PCSK6: variants seen among roughly 807,000 people sequenced by gnomAD.
PCSK6 encodes the protein paired basic amino acid cleaving enzyme 4.
PCSK6 carries 85 observed loss-of-function variants against 123.3 expected under a neutral mutation model. That is an observed-to-expected ratio of 0.69 (90% CI 0.58 to 0.83). PCSK6 has a LOEUF of 0.83. Ranked by LOEUF, PCSK6 falls within the 40% of genes least tolerant of loss-of-function variation. The pLI is 0.00. For missense variants in PCSK6, 1,191 were observed against 1,282.3 expected, an observed-to-expected ratio of 0.93 and a Z score of 1.09; for synonymous variants, 508 against 516.0, an observed-to-expected ratio of 0.98 and a Z score of 0.21.
chr15:101,466,473 G>T (rs1215287930), intron 1 of PCSK6, among the ~76,000 whole-genome samples: 1 of 152,178 alleles, frequency 6.6e-6, no homozygotes, highest in African/African-American at 2.4e-5. Context: ...GCTGCCATAT[G>T]ACTCAGCCAC....
chr15:101,381,227 G>A (rs2041903333), intron 11 of PCSK6, among the ~76,000 whole-genome samples: 1 of 152,122 alleles, frequency 6.6e-6, no homozygotes, highest in Non-Finnish European at 1.5e-5. Flanking sequence ...AGCTGGGCAT[G>A]GTGGTGGGTG....
chr15:101,397,598 C>T (rs918153510), intron 7 of PCSK6, among the ~76,000 whole-genome samples: 5 of 152,156 alleles, frequency 3.3e-5, no homozygotes, highest in African/African-American at 9.7e-5. Flanking sequence ...ACACATTGTA[C>T]GTTGGGCTGG....
In PCSK6 at chr15:101,410,135, G is replaced by A. The variant is rs560096854; in HGVS notation, c.824-11559C>T. Among the ~76,000 whole-genome samples, 22 of 152,352 alleles carry A rather than the reference G, an allele frequency of 1.4e-4. No homozygotes were observed. In the East Asian group the frequency reaches 4.1e-3, roughly 28 times the overall value. On this transcript the variant is annotated intron_variant, in intron 6 of 21. Transcript: ENST00000611716. ...GTTTGTAGACACAGGGTCTCACTAT[G>A]TTGTTGAGGCTGGTTTCAAACTCCT...
At chr15:101,440,976 CTA>C (rs2056739056) in intron 2 of PCSK6, among the ~76,000 whole-genome samples, 9 of 152,146 alleles carry the variant, frequency 5.9e-5, no homozygotes, top group Non-Finnish European at 1.0e-4. Flanking sequence ...TTCCCTGGGG[CTA>C]ACAATTTAAT....
intron 13 of PCSK6, among the ~76,000 whole-genome samples, chr15:101,338,195 C>T (rs1003049482): frequency 1.3e-5 from 2 of 152,218 alleles, no homozygotes; most frequent in African/African-American, 4.8e-5. Flanking sequence ...ACCCCCTCTA[C>T]ACAGTCCCTT....
intron 1 of PCSK6, among the ~76,000 whole-genome samples, chr15:101,454,602 A>C (rs2057125597): frequency 6.6e-6 from 1 of 152,150 alleles, no homozygotes; most frequent in Non-Finnish European, 1.5e-5. Context: ...TGTGGTTGCC[A>C]GGGGCTGTGG....
chr15:101,436,242 T>C (rs2056596599), intron 2 of PCSK6, among the ~76,000 whole-genome samples: 1 of 152,090 alleles, frequency 6.6e-6, no homozygotes, highest in African/African-American at 2.4e-5. Flanking sequence ...GTCTTTGCTC[T>C]GAGATGGAGG....
intron 13 of PCSK6, among the ~76,000 whole-genome samples, chr15:101,344,577 G>T (rs1200371501): frequency 6.6e-6 from 1 of 152,204 alleles, no homozygotes; most frequent in Non-Finnish European, 1.5e-5. Flanking sequence ...ACAGGCAAGG[G>T]AGTCTGTGGG....
chr15:101,442,557 T>C (rs2056783853), intron 2 of PCSK6, among the ~76,000 whole-genome samples: 1 of 152,152 alleles, frequency 6.6e-6, no homozygotes, highest in Non-Finnish European at 1.5e-5. Flanking sequence ...AAAAGAGCCC[T>C]GATTGTCATT....
chr15:101,464,958 G>GA (rs1318607689), intron 1 of PCSK6, among the ~76,000 whole-genome samples: 1 of 151,684 alleles, frequency 6.6e-6, no homozygotes, highest in Non-Finnish European at 1.5e-5. Flanking sequence ...GGGGACAGAG[G>GA]CTACTCAGTG....
chr15:101,471,831 C>T (rs569597696), intron 1 of PCSK6, among the ~76,000 whole-genome samples: 58 of 152,292 alleles, frequency 3.8e-4, no homozygotes, highest in African/African-American at 1.4e-3. Context: ...TTTGCCAGTT[C>T]TAGAACCTCC....
At chr15:101,481,517 C>T (rs1412242420) in intron 1 of PCSK6, among the ~76,000 whole-genome samples, 5 of 152,166 alleles carry the variant, frequency 3.3e-5, no homozygotes, top group Admixed American at 3.3e-4. Flanking sequence ...GCAGCTACAG[C>T]CAGGGCTCGA....
intron 13 of PCSK6, chr15:101,347,023 A>C (rs1395038367): frequency 8.1e-7 from 1 of 1,231,648 alleles, no homozygotes; most frequent in East Asian, 3.2e-5. Context: ...AATGGGGTTA[A>C]AAATGGAACT....
intron 1 of PCSK6, among the ~76,000 whole-genome samples, chr15:101,472,996 G>A (rs1305964114): frequency 1.3e-5 from 2 of 152,182 alleles, no homozygotes; most frequent in Non-Finnish European, 2.9e-5. Flanking sequence ...CCCTCAATGT[G>A]AGCCTTGTAT....
At position 101,489,624 on chromosome 15, in the gene PCSK6, C is replaced by G. The variant is rs1485712589; in HGVS notation, c.47G>C (p.Arg16Pro). 1.1e-5 allele frequency: 11 copies of G among 974,304 alleles called. No individual in the cohort carries two copies. Among genetic ancestry groups the G allele is most frequent in the South Asian group, 4.7e-5 (1 of 21,120 alleles). The allele number at this position is 974,304 out of a possible 1,614,324, so 60.4% of individuals were successfully genotyped here. A position where few individuals can be genotyped will look rare whatever the true frequency, so the allele number is the denominator to read the frequency against. ...GGCGGTGTCGGTGGCGGCGGCGGCC[C>G]GGGGCGGCGGCCGGGGCCCGGGCGC... is the stretch of plus-strand genomic sequence containing the variant. ...PPAPGPRPPP[R>P]AAAATDTAAG... is the part of the protein sequence containing the mutation. The change falls in exon 1 of 22, where the codon CGG (arginine) becomes CCG (proline). Residue 16 changes from arginine (R) to proline (P), a missense_variant. Arg to Pro is a moderately radical substitution (Grantham distance 103). Around this residue, in one of 3 missense-constraint regions of PCSK6, gnomAD observed 204 missense variants for 166.4 expected, o/e 1.23. Transcript: ENST00000611716.
At chr15:101,403,323 A>G (rs959719882) in intron 6 of PCSK6, among the ~76,000 whole-genome samples, 29 of 150,370 alleles carry the variant, frequency 1.9e-4, no homozygotes, top group Middle Eastern at 3.4e-3. Flanking sequence ...CTAATGCTAA[A>G]TGACCAGTTA....
chr15:101,384,398 C>G lies in PCSK6; in HGVS notation c.1338G>C (p.Gln446His). The G allele has an allele frequency of 6.2e-7, 1 of 1,613,804 alleles. No homozygotes were observed. The highest frequency in any genetic ancestry group is 8.5e-7 in the Non-Finnish European group (1 of 1,179,788). Residue 446 changes from glutamine to histidine, a missense_variant, in exon 10 of 22, where the codon CAG becomes CAC. By Grantham distance (24) the Gln-to-His change is conservative. This residue lies in a region of PCSK6 where 357 missense variants were observed against 484.5 expected (regional missense o/e 0.74). Coordinates refer to ENST00000611716, the MANE Select transcript of PCSK6 (RefSeq NM_002570.5). ...ANSQLTWRDV[Q>H]HLLVKTSRPA... is the part of the protein sequence containing the mutation. ...GCCGGGATGTCTTCACTAGCAGGTG[C>G]TGGACGTCCCTCCAGGTTAACTGGC...
In PCSK6 at chr15:101,382,162, C is replaced by T. The variant is rs1200569909; in HGVS notation, c.1462G>A (p.Val488Met). Residue 488 changes from valine to methionine, a missense_variant, in exon 11 of 22, where the codon GTG becomes ATG. Val to Met is a conservative substitution (Grantham distance 21). This residue lies in a region of PCSK6 where 630 missense variants were observed against 631.4 expected (regional missense o/e 1.00). Transcript: ENST00000611716. Reference protein sequence around the residue: ...FGLVDAEALVVEAKKWTAVPS... With the variant: ...FGLVDAEALVMEAKKWTAVPS... ...ACTGCTGTCCACTTCTTTGCCTCCA[C>T]AACGAGAGCTTCTGCGTCCACCAAA... 15 of 1,613,006 alleles carry T rather than the reference C, an allele frequency of 9.3e-6. No homozygotes were observed. Among genetic ancestry groups the T allele is most frequent in the Non-Finnish European group, 2.5e-6 (3 of 1,179,654 alleles).
intron 13 of PCSK6, among the ~76,000 whole-genome samples, chr15:101,334,996 G>A (rs1022505893): frequency 3.3e-5 from 5 of 152,180 alleles, no homozygotes; most frequent in African/African-American, 1.2e-4. Context: ...GTCTCACTCT[G>A]TTGCCTAGGC....
Sources: gnomAD v4.1 joint callset for allele counts (sites outside exome capture counted in the v4.1 genomes callset) on GRCh38, gnomAD v4.1.1 for gene constraint, gnomAD v4.1.1 regional missense constraint, MANE v1.5 for transcripts, NCBI Gene and HGNC (gene_info 2026-07-23, HGNC 2026-07-21) for gene names.